The following KITLG variants were observed in gnomAD, a reference collection of about 807,000 sequenced individuals.
The protein encoded by KITLG is KIT ligand.
In KITLG, 13 loss-of-function variants were observed where a neutral mutation model predicts 34.1. That is an observed-to-expected ratio of 0.38 (90% CI 0.25 to 0.61). KITLG has a LOEUF of 0.61. KITLG is among the 20% of genes least tolerant of loss of function. The pLI is 0.60. For missense variants in KITLG, 292 were observed against 318.9 expected (o/e 0.92, Z 0.64); for synonymous variants, 110 against 104.0 (o/e 1.06, Z -0.35).
At chr12:88,552,749 G>C (rs1870960300) in intron 1 of KITLG, among the ~76,000 whole-genome samples, 1 of 151,444 alleles carries the variant, frequency 6.6e-6, no homozygotes, top group Admixed American at 6.6e-5. Flanking sequence ...GGTTTCCAAG[G>C]GCAAGAAGAA....
At chr12:88,577,846 T>C (rs1037059472) in intron 1 of KITLG, among the ~76,000 whole-genome samples, 1 of 152,214 alleles carries the variant, frequency 6.6e-6, no homozygotes, top group South Asian at 2.1e-4. Context: ...CCATGATTCT[T>C]GGAGAGCTGT....
chr12:88,519,153 T>G (rs1009050828), intron 3 of KITLG, among the ~76,000 whole-genome samples: 1 of 152,194 alleles, frequency 6.6e-6, no homozygotes, highest in Admixed American at 6.6e-5. Flanking sequence ...TGAACCACCG[T>G]GCCTGGCCAG....
intron 2 of KITLG, among the ~76,000 whole-genome samples, chr12:88,542,766 T>G (rs1373939963): frequency 6.6e-6 from 1 of 152,072 alleles, no homozygotes; most frequent in African/African-American, 2.4e-5. Context: ...TCTCCACAAG[T>G]TGAGATTCGG....
chr12:88,532,305 A>T, intron 3 of KITLG, 136 bp downstream of exon 3: 1 of 723,648 alleles, frequency 1.4e-6, no homozygotes, highest in Non-Finnish European at 2.3e-6. Flanking sequence ...CCTGCAAGTC[A>T]AATTCCAAAG....
chr12:88,555,387 C>T (rs1041316668), intron 1 of KITLG, among the ~76,000 whole-genome samples: 9 of 152,134 alleles, frequency 5.9e-5, no homozygotes, highest in African/African-American at 1.4e-4. Flanking sequence ...AAACACAATT[C>T]GGGAGAGATT....
rs7309100 is a variant in KITLG at position 88,552,685 on chromosome 12, T to A, written c.16-6820A>T. ...TTTATTTTAAGCAGAGCAGCTCAGCTTTTTTTGTTGTTTTATTTGTTCATG... is the reference window on the plus strand; with the variant it reads ...TTTATTTTAAGCAGAGCAGCTCAGCATTTTTTGTTGTTTTATTTGTTCATG... On this transcript the variant is annotated intron_variant, in intron 1 of 9. Coordinates refer to ENST00000644744, the MANE Select transcript of KITLG (RefSeq NM_000899.5). 4.6e-5 allele frequency among the ~76,000 whole-genome samples: 7 copies of A among 152,160 alleles called. No homozygotes were observed. In the East Asian group the frequency reaches 9.7e-4, roughly 21 times the overall value.
intron 2 of KITLG, among the ~76,000 whole-genome samples, chr12:88,543,795 A>C (rs561967952): frequency 6.6e-6 from 1 of 152,268 alleles, no homozygotes; most frequent in East Asian, 1.9e-4. Flanking sequence ...GCACCATTAC[A>C]TCTTCAAGGG....
At chr12:88,520,431 T>C (rs1448864908) in intron 3 of KITLG, among the ~76,000 whole-genome samples, 1 of 152,192 alleles carries the variant, frequency 6.6e-6, no homozygotes, top group Non-Finnish European at 1.5e-5. Flanking sequence ...CACTGTAAAT[T>C]GCTATTTGAA....
intron 3 of KITLG, among the ~76,000 whole-genome samples, chr12:88,520,161 C>T (rs1303999546): frequency 1.3e-5 from 2 of 152,146 alleles, no homozygotes; most frequent in Non-Finnish European, 2.9e-5. Context: ...CATTTCAACT[C>T]GTCATAACCA....
At chr12:88,524,693 C>G (rs924429534) in intron 3 of KITLG, among the ~76,000 whole-genome samples, 1 of 151,962 alleles carries the variant, frequency 6.6e-6, no homozygotes, top group Non-Finnish European at 1.5e-5. Context: ...TGAACAGCAT[C>G]TTAATATAAT....
rs566342942 is a variant in KITLG, at chr12:88,569,552, C to A, written c.15+10712G>T. ...TTTAGTATTTTCTTGGTGTCCAGCACTGGACTAAGTGCTTTTTTGTGGATT... is the reference window on the plus strand; with the variant it reads ...TTTAGTATTTTCTTGGTGTCCAGCAATGGACTAAGTGCTTTTTTGTGGATT... On this transcript the variant is annotated intron_variant, in intron 1 of 9. Coordinates refer to ENST00000644744, the MANE Select transcript of KITLG (RefSeq NM_000899.5). 1.7e-3 allele frequency among the ~76,000 whole-genome samples: 264 copies of A among 152,222 alleles called. 2 individuals carry two copies. The highest frequency in any genetic ancestry group is 6.1e-3 in the African/African-American group (254 of 41,530).
chr12:88,521,636 A>G (rs889896320), intron 3 of KITLG, among the ~76,000 whole-genome samples: 2 of 152,184 alleles, frequency 1.3e-5, no homozygotes, highest in African/African-American at 4.8e-5. Flanking sequence ...AAGAAAATTG[A>G]CAGTCATACA....
In KITLG at chr12:88,496,112, C is replaced by G. The variant is rs985872424; in HGVS notation, c.*1107G>C. 3 of 152,106 alleles carry G rather than the reference C, an allele frequency of 2.0e-5. No individual in the cohort carries two copies. The highest frequency in any genetic ancestry group is 4.8e-5 in the African/African-American group (2 of 41,424). 9.4% of individuals were successfully genotyped at this position (152,106 alleles called of 1,614,324 possible). A position where few individuals can be genotyped will look rare whatever the true frequency, so the allele number is the denominator to read the frequency against. On this transcript the variant is annotated 3_prime_UTR_variant, in exon 10 of 10. Coordinates refer to ENST00000644744, the MANE Select transcript of KITLG (RefSeq NM_000899.5). ...AGTGCCCGATTTTAACTAAATGGAT[C>G]CTTTAAACAGATAATGGTGATTATA...
chr12:88,504,276 A>G (rs1368374771), intron 9 of KITLG, among the ~76,000 whole-genome samples: 1 of 152,132 alleles, frequency 6.6e-6, no homozygotes, highest in Non-Finnish European at 1.5e-5. Context: ...TTACTAATGA[A>G]GTTTGTTTCT....
At chr12:88,580,119 G>GTGT (rs1455434906) in intron 1 of KITLG, 145 bp downstream of exon 1, 1 of 854,258 alleles carries the variant, frequency 1.2e-6, no homozygotes, top group African/African-American at 1.7e-5. Flanking sequence ...ACACCACGCC[G>GTGT]GCCTCCCCCG....
At position 88,494,516 on chromosome 12, in the gene KITLG, G is replaced by A. The variant is rs1460836965; in HGVS notation, c.*2703C>T. 1 of 152,242 alleles carries A rather than the reference G, an allele frequency of 6.6e-6. No homozygotes were observed. Among genetic ancestry groups the A allele is most frequent in the Non-Finnish European group, 1.5e-5 (1 of 67,866 alleles). 9.4% of individuals were successfully genotyped at this position (152,242 alleles called of 1,614,324 possible). On this transcript the variant is annotated 3_prime_UTR_variant, in exon 10 of 10. Transcript: ENST00000644744. ...TACTTTTTAAGAGAATAGGCTACTTGTTCTATTATTGTATTGAAGAAAAAT... is the reference window on the plus strand; with the variant it reads ...TACTTTTTAAGAGAATAGGCTACTTATTCTATTATTGTATTGAAGAAAAAT...
chr12:88,564,874 ATTATT>A (rs1416423655), intron 1 of KITLG, among the ~76,000 whole-genome samples: 4 of 152,310 alleles, frequency 2.6e-5, no homozygotes, highest in Admixed American at 2.6e-4. Flanking sequence ...TATCTGTAAC[ATTATT>A]TTAGAGCACT....
chr12:88,555,849 A>G (rs181036392), intron 1 of KITLG, among the ~76,000 whole-genome samples: 1 of 152,228 alleles, frequency 6.6e-6, no homozygotes, highest in Non-Finnish European at 1.5e-5. Flanking sequence ...ATAAATACAT[A>G]AGATAAAGAC....
chr12:88,553,910 G>T (rs1871010020), intron 1 of KITLG, among the ~76,000 whole-genome samples: 2 of 152,198 alleles, frequency 1.3e-5, no homozygotes. Context: ...GAAGTCTGGG[G>T]TGGGAGGGAT....
Sources: allele counts gnomAD v4.1 joint callset (sites outside exome capture counted in the v4.1 genomes callset), GRCh38; gene constraint gnomAD v4.1.1; transcripts MANE v1.5; gene names NCBI Gene and HGNC (gene_info 2026-07-23, HGNC 2026-07-21).